CDK6: variants seen among roughly 807,000 people sequenced by gnomAD.
CDK6 encodes the protein cyclin dependent kinase 6.
CDK6 carries 6 observed loss-of-function variants against 37.1 expected under a neutral mutation model. That is an observed-to-expected ratio of 0.16 (90% CI 0.09 to 0.32). The LOEUF (loss-of-function observed/expected upper bound fraction) is 0.32. Ranked by LOEUF, CDK6 falls within the 10% of genes least tolerant of loss-of-function variation. CDK6 has a pLI of 1.00. For synonymous variants in CDK6, 160 were observed against 161.3 expected, an observed-to-expected ratio of 0.99 and a Z score of 0.06; for missense variants, 224 against 418.9, an observed-to-expected ratio of 0.53 and a Z score of 4.06.
At chr7:92,721,083 T>C (rs916950385) in intron 4 of CDK6, among the ~76,000 whole-genome samples, 1 of 152,024 alleles carries the variant, frequency 6.6e-6, no homozygotes. Context: ...AAATAACCCA[T>C]GCCAGGTGTT....
intron 4 of CDK6, among the ~76,000 whole-genome samples, chr7:92,714,655 T>C (rs576674037): frequency 6.6e-6 from 1 of 152,204 alleles, no homozygotes; most frequent in Non-Finnish European, 1.5e-5. Flanking sequence ...TGATCTTTCA[T>C]CCATTCTGCA....
Position 92,608,478 on chromosome 7 carries a change from A to G in CDK6, c.*6662T>C, listed in dbSNP as rs1795482385. 2 of 231,144 alleles carry G rather than the reference A, an allele frequency of 8.7e-6. No homozygotes were observed. The highest frequency in any genetic ancestry group is 1.2e-4 in the East Asian group (2 of 16,250). The allele number at this position is 231,144 out of a possible 1,614,324, so 14.3% of individuals were successfully genotyped here. A position where few individuals can be genotyped will look rare whatever the true frequency, so the allele number is the denominator to read the frequency against. ...AACTTTTCCAGGCATATCTTTCACC[A>G]TCACATATATAGAATGATGGAAAAT... On this transcript the variant is annotated 3_prime_UTR_variant, in exon 8 of 8. Coordinates refer to ENST00000424848, the MANE Select transcript of CDK6 (RefSeq NM_001145306.2).
intron 4 of CDK6, chr7:92,725,364 G>A: frequency 1.0e-6 from 1 of 970,712 alleles, no homozygotes; most frequent in East Asian, 1.1e-4. Flanking sequence ...TTGGAAACTT[G>A]TAACTGATTC....
rs1490602611 is a variant in CDK6, at chr7:92,624,907, T to C, written c.648-1821A>G. Among the ~76,000 whole-genome samples the C allele has an allele frequency of 3.9e-5, 6 of 152,198 alleles. No homozygotes were observed. In the East Asian group the frequency reaches 1.2e-3, roughly 29 times the overall value. ...GAAACTGAGTACTGGAGATGTTACA[T>C]GGCTTAATTAAGGGCATAATATTCC... On this transcript the variant is annotated intron_variant, in intron 5 of 7. Coordinates refer to ENST00000424848, the MANE Select transcript of CDK6 (RefSeq NM_001145306.2).
intron 5 of CDK6, among the ~76,000 whole-genome samples, chr7:92,667,440 C>T (rs184887291): frequency 2.0e-4 from 31 of 152,280 alleles, no homozygotes; most frequent in African/African-American, 4.1e-4. Context: ...TCAAGTGATC[C>T]TCCTGCCCTG....
intron 2 of CDK6, among the ~76,000 whole-genome samples, chr7:92,813,123 A>G (rs915169456): frequency 6.6e-6 from 1 of 152,194 alleles, no homozygotes; most frequent in Non-Finnish European, 1.5e-5. Context: ...GTAATTCATG[A>G]TTTGGGATTT....
chr7:92,658,581 TTCTCTCTCTCTC>T (rs3839839), intron 5 of CDK6, among the ~76,000 whole-genome samples: 3 of 146,440 alleles, frequency 2.0e-5, no homozygotes, highest in East Asian at 2.0e-4. Flanking sequence ...CTCTCTCTCT[TTCTCTCTCTCTC>T]TCTCTCTCTC....
At chr7:92,652,191 A>G (rs772826901) in intron 5 of CDK6, among the ~76,000 whole-genome samples, 1 of 152,256 alleles carries the variant, frequency 6.6e-6, no homozygotes, top group Non-Finnish European at 1.5e-5. Context: ...ATTGGGAAAA[A>G]TGCAAGACAT....
At chr7:92,624,437 A>T (rs1406711935) in intron 5 of CDK6, among the ~76,000 whole-genome samples, 2 of 152,182 alleles carry the variant, frequency 1.3e-5, no homozygotes, top group Non-Finnish European at 2.9e-5. Context: ...AACATGTGAG[A>T]ACCATGAGAA....
At chr7:92,782,707 G>C (rs1243479795) in intron 2 of CDK6, among the ~76,000 whole-genome samples, 1 of 150,264 alleles carries the variant, frequency 6.7e-6, no homozygotes, top group Non-Finnish European at 1.5e-5. Flanking sequence ...CCTGGGCCCA[G>C]TGTGTTTGAT....
At chr7:92,758,950 G>A (rs1467372237) in intron 3 of CDK6, among the ~76,000 whole-genome samples, 7 of 152,212 alleles carry the variant, frequency 4.6e-5, no homozygotes, top group African/African-American at 1.4e-4. Flanking sequence ...TCTGTTGGTG[G>A]TGTATAGGAA....
In CDK6 at chr7:92,792,083, T is replaced by C. The variant is rs541182643; in HGVS notation, c.234-17252A>G. Among the ~76,000 whole-genome samples the C allele has an allele frequency of 1.1e-4, 17 of 152,054 alleles. No individual in the cohort carries two copies. The East Asian group carries it at 2.3e-3, about 21-fold the overall frequency. On this transcript the variant is annotated intron_variant, in intron 2 of 7. Transcript: ENST00000424848. ...GAAGTTGGATTATAGGAGAATAAAA[T>C]TGGAGGTGAGGAAAACAAGTAGGAA...
chr7:92,726,183 GAAT>G (rs758723235), intron 3 of CDK6, among the ~76,000 whole-genome samples: 16 of 152,012 alleles, frequency 1.1e-4, no homozygotes, highest in African/African-American at 2.7e-4. Flanking sequence ...AAAATCCAGT[GAAT>G]AATAATATTG....
At chr7:92,700,100 A>G (rs1797809670) in intron 4 of CDK6, among the ~76,000 whole-genome samples, 1 of 152,188 alleles carries the variant, frequency 6.6e-6, no homozygotes, top group African/African-American at 2.4e-5. Context: ...TAGAGGCTTC[A>G]GCGAGGAGGG....
intron 5 of CDK6, among the ~76,000 whole-genome samples, chr7:92,660,492 T>G (rs1178185909): frequency 6.6e-6 from 1 of 151,972 alleles, no homozygotes; most frequent in Non-Finnish European, 1.5e-5. Context: ...CAGAATAGAG[T>G]TGGAGCCTTC....
At chr7:92,828,470 A>C (rs1432383796) in intron 2 of CDK6, among the ~76,000 whole-genome samples, 3 of 152,214 alleles carry the variant, frequency 2.0e-5, no homozygotes, top group Non-Finnish European at 4.4e-5. Context: ...CTTGACCTCC[A>C]GAGTGTCTTC....
intron 4 of CDK6, among the ~76,000 whole-genome samples, chr7:92,708,899 T>C (rs1798024873): frequency 6.6e-6 from 1 of 152,246 alleles, no homozygotes; most frequent in South Asian, 2.1e-4. Flanking sequence ...ACATCAGTAG[T>C]GGCTACTATG....
chr7:92,691,140 T>G (rs992956436), intron 4 of CDK6, among the ~76,000 whole-genome samples: 5 of 152,196 alleles, frequency 3.3e-5, no homozygotes, highest in African/African-American at 7.2e-5. Flanking sequence ...AATGTTGAAG[T>G]TCATCAATAA....
chr7:92,767,451 G>C (rs905393474), intron 3 of CDK6, among the ~76,000 whole-genome samples: 1 of 152,116 alleles, frequency 6.6e-6, no homozygotes, highest in Non-Finnish European at 1.5e-5. Context: ...TAATTAGAAA[G>C]GTTACACTGA....
Sources: gnomAD v4.1 joint callset for allele counts (sites outside exome capture counted in the v4.1 genomes callset) on GRCh38, gnomAD v4.1.1 for gene constraint, MANE v1.5 for transcripts, NCBI Gene and HGNC (gene_info 2026-07-23, HGNC 2026-07-21) for gene names.